Variants in PECAM1 observed in about 807,000 individuals in gnomAD.
PECAM1 encodes the protein platelet and endothelial cell adhesion molecule 1, also known as platelet endothelial cell adhesion molecule.
Under a neutral mutation model 13.8 loss-of-function variants are expected in PECAM1, and 8 were observed. The ratio of observed to expected loss-of-function variants is 0.58; its 90% CI spans 0.34 to 1.05. The LOEUF is 1.05. Ranked by LOEUF, PECAM1 falls within the 50% of genes least tolerant of loss-of-function variation. The pLI, the probability that PECAM1 is intolerant of heterozygous loss-of-function variation, is 0.03. For missense variants in PECAM1, 304 were observed against 141.2 expected (o/e 2.15, Z -5.84); for synonymous variants, 136 against 52.6 (o/e 2.58, Z -6.86).
rs945491355 is a variant in PECAM1 at position 64,357,536 on chromosome 17, G to A, written c.1493-1138C>T. ...GTGTGAGAGCAGATGGTCAGCAGATGGTATTGTAACTTATGAGTCACTCTC... is the reference window on the plus strand; with the variant it reads ...GTGTGAGAGCAGATGGTCAGCAGATAGTATTGTAACTTATGAGTCACTCTC... On this transcript the variant is annotated intron_variant, in intron 7 of 15. Coordinates refer to ENST00000563924, the MANE Select transcript of PECAM1 (RefSeq NM_000442.5). 1.0e-3 allele frequency among the ~76,000 whole-genome samples: 157 copies of A among 152,242 alleles called. 2 individuals are homozygous for A. The highest frequency in any genetic ancestry group is 3.5e-3 in the South Asian group (17 of 4,824).
At chr17:64,355,967 A>G (rs1472719004) in intron 8 of PECAM1, 144 bp downstream of exon 8, 14 of 431,834 alleles carry the variant, frequency 3.2e-5, no homozygotes, top group African/African-American at 6.0e-5. Context: ...TGTCACTTGC[A>G]ACCAAGAGCC....
rs994994253 is a variant in PECAM1, at chr17:64,340,712, C to T, written c.2164+922G>A. Among the ~76,000 whole-genome samples the T allele has an allele frequency of 5.9e-5, 9 of 152,030 alleles. 1 individual carries two copies. Among genetic ancestry groups the T allele is most frequent in the South Asian group, 2.1e-4 (1 of 4,820 alleles). Reference sequence around the variant, plus strand: ...GCCCTTTCATGAGTAAGCAGTGGGTCGTCACGGGAAGCGAAGTGGGGCCAG... The same window carrying T: ...GCCCTTTCATGAGTAAGCAGTGGGTTGTCACGGGAAGCGAAGTGGGGCCAG... On this transcript the variant is annotated intron_variant, in intron 14 of 15. Transcript: ENST00000563924.
chr17:64,376,360 T>C (rs1296800755), intron 3 of PECAM1, among the ~76,000 whole-genome samples: 2 of 151,914 alleles, frequency 1.3e-5, no homozygotes, highest in Non-Finnish European at 2.9e-5. Context: ...TAAAATATGG[T>C]CAAGATGTAC....
intron 13 of PECAM1, among the ~76,000 whole-genome samples, chr17:64,347,324 G>T (rs888869143): frequency 6.6e-6 from 1 of 151,478 alleles, no homozygotes; most frequent in African/African-American, 2.4e-5. Flanking sequence ...TCGAGTTCAC[G>T]CTGGCCAACA....
chr17:64,358,833 G>A (rs940693950), intron 7 of PECAM1, among the ~76,000 whole-genome samples: 6 of 149,470 alleles, frequency 4.0e-5, no homozygotes, highest in African/African-American at 7.4e-5. Flanking sequence ...GTCTTGCTCC[G>A]TTGCCCAGGC....
intron 7 of PECAM1, 27 bp from the exon 8 acceptor site, chr17:64,356,425 T>G (rs2035847670): frequency 4.5e-6 from 2 of 447,608 alleles, no homozygotes; most frequent in Middle Eastern, 6.1e-4. Flanking sequence ...GGATTCACAC[T>G]GAGCAAAGAA....
At chr17:64,356,875 C>T (rs2035858755) in intron 7 of PECAM1, among the ~76,000 whole-genome samples, 1 of 152,142 alleles carries the variant, frequency 6.6e-6, no homozygotes, top group Admixed American at 6.6e-5. Flanking sequence ...CCTTATTTCA[C>T]ACTTTCTTGT....
chr17:64,335,402 G>GA (rs1283100478), intron 14 of PECAM1, among the ~76,000 whole-genome samples: 167 of 141,960 alleles, frequency 1.2e-3, no homozygotes, highest in Middle Eastern at 3.6e-3. Context: ...GACCCTGTCT[G>GA]AAAAAAAAAA....
chr17:64,376,862 G>A (rs2036370550), intron 3 of PECAM1, among the ~76,000 whole-genome samples: 1 of 152,122 alleles, frequency 6.6e-6, no homozygotes, highest in Non-Finnish European at 1.5e-5. Context: ...TGTAATCCCA[G>A]TTGCTTGGGA....
intron 13 of PECAM1, among the ~76,000 whole-genome samples, chr17:64,342,057 C>T (rs892795846): frequency 1.3e-3 from 191 of 151,286 alleles, no homozygotes; most frequent in African/African-American, 4.3e-3. Context: ...AGCTAAGGGA[C>T]GAGAATCGCT....
intron 14 of PECAM1, among the ~76,000 whole-genome samples, chr17:64,339,130 G>T (rs950879375): frequency 6.6e-6 from 1 of 152,074 alleles, no homozygotes; most frequent in Non-Finnish European, 1.5e-5. Flanking sequence ...TTCGCTGGAG[G>T]CCTCGAGGCA....
chr17:64,323,680 A>T lies in PECAM1; in HGVS notation c.*136T>A. Reference sequence around the variant, plus strand: ...GGATGGATTTAAGAACCGGCAGCTTAGCCTGAGGAATTGCTGTGTTCTGTG... The same window carrying T: ...GGATGGATTTAAGAACCGGCAGCTTTGCCTGAGGAATTGCTGTGTTCTGTG... On this transcript the variant is annotated 3_prime_UTR_variant, in exon 16 of 16. Transcript: ENST00000563924. The T allele has an allele frequency of 2.6e-6, 4 of 1,531,732 alleles. No individual in the cohort carries two copies. The highest frequency in any genetic ancestry group is 3.5e-6 in the Non-Finnish European group (4 of 1,137,364). The allele number at this position is 1,531,732 out of a possible 1,614,324, so 94.9% of individuals were successfully genotyped here.
intron 2 of PECAM1, among the ~76,000 whole-genome samples, chr17:64,386,841 G>C (rs1412470013): frequency 1.3e-5 from 2 of 152,162 alleles, no homozygotes; most frequent in African/African-American, 2.4e-5. Context: ...GCGTGTGAGG[G>C]GCCAGTAGGA....
At chr17:64,333,934 A>C (rs1275681211) in intron 14 of PECAM1, among the ~76,000 whole-genome samples, 384 of 90,958 alleles carry the variant, frequency 4.2e-3, no homozygotes, top group African/African-American at 0.015. Flanking sequence ...ACAGAGAGAG[A>C]CCCTGTCTCA....
chr17:64,385,166 C>T (rs1233796117), intron 2 of PECAM1, among the ~76,000 whole-genome samples: 2 of 152,228 alleles, frequency 1.3e-5, no homozygotes, highest in Non-Finnish European at 2.9e-5. Flanking sequence ...GGCTGTGGGA[C>T]AGCCTAAAGA....
intron 13 of PECAM1, among the ~76,000 whole-genome samples, chr17:64,346,297 C>T (rs962055167): frequency 6.6e-6 from 1 of 152,050 alleles, no homozygotes; most frequent in Non-Finnish European, 1.5e-5. Context: ...CTGTGTACTG[C>T]CCAATCTGGG....
Position 64,377,832 on chromosome 17 carries a change from A to G in PECAM1, c.377T>C (p.Leu126Ser). Residue 126 changes from leucine to serine, a missense_variant, in exon 3 of 16, where the codon TTG becomes TCG. Physicochemically the swap from Leu to Ser is moderately radical, Grantham distance 145. Transcript: ENST00000563924. ...KEKTTAEYQV[L>S]VEGVPSPRVT... ...CAGTTCCAAGGACTCACCTTCCACC[A>G]ACACCTGGTACTCTGCAGTGGTTTT... 1 of 475,290 alleles carries G rather than the reference A, an allele frequency of 2.1e-6. No homozygotes were observed. The highest frequency in any genetic ancestry group is 3.1e-5 in the East Asian group (1 of 32,040). 29.4% of individuals were successfully genotyped at this position (475,290 alleles called of 1,614,324 possible). A position where few individuals can be genotyped will look rare whatever the true frequency, so the allele number is the denominator to read the frequency against.
intron 10 of PECAM1, 96 bp downstream of exon 10, chr17:64,353,395 A>G (rs1272594205): frequency 7.2e-6 from 3 of 416,276 alleles, no homozygotes; most frequent in Non-Finnish European, 8.8e-6. Context: ...TAAGTTTGCC[A>G]AGAGCCACTG....
chr17:64,362,560 G>A (rs1487543663), intron 6 of PECAM1, among the ~76,000 whole-genome samples: 2 of 152,154 alleles, frequency 1.3e-5, no homozygotes, highest in African/African-American at 2.4e-5. Context: ...GCTGAGGCAG[G>A]AGAATGGCGT....
Sources: allele counts gnomAD v4.1 joint callset (sites outside exome capture counted in the v4.1 genomes callset), GRCh38; gene constraint gnomAD v4.1.1; transcripts MANE v1.5; gene names NCBI Gene and HGNC (gene_info 2026-07-23, HGNC 2026-07-21).